CFAP299: variants seen among roughly 807,000 people sequenced by gnomAD.
CFAP299 encodes cilia- and flagella-associated protein 299.
A neutral mutation model predicts 27.0 loss-of-function variants in CFAP299; 21 were observed. The ratio of observed to expected loss-of-function variants is 0.78; its 90% CI spans 0.55 to 1.12. The LOEUF (loss-of-function observed/expected upper bound fraction) is 1.12. Ranked by LOEUF, CFAP299 falls within the 50% of genes most tolerant of loss-of-function variation. The pLI, the probability that CFAP299 is intolerant of heterozygous loss-of-function variation, is 0.00. For missense variants in CFAP299, 310 were observed against 276.6 expected, an observed-to-expected ratio of 1.12 and a Z score of -0.86; for synonymous variants, 104 against 98.1, an observed-to-expected ratio of 1.06 and a Z score of -0.36.
chr4:80,551,852 A>G (rs1456627228), intron 2 of CFAP299, among the ~76,000 whole-genome samples: 8 of 151,402 alleles, frequency 5.3e-5, no homozygotes, highest in Non-Finnish European at 8.8e-5. Context: ...GGTTCAAGTG[A>G]TTTTTCCTGC....
At chr4:80,704,203 T>C (rs1454270917) in intron 3 of CFAP299, among the ~76,000 whole-genome samples, 1 of 151,404 alleles carries the variant, frequency 6.6e-6, no homozygotes, top group African/African-American at 2.4e-5. Flanking sequence ...TGGAAAGATA[T>C]GATGGAAAGT....
At chr4:80,678,599 A>G (rs1402404655) in intron 3 of CFAP299, among the ~76,000 whole-genome samples, 1 of 152,092 alleles carries the variant, frequency 6.6e-6, no homozygotes, top group Non-Finnish European at 1.5e-5. Context: ...TGGCTGAGTC[A>G]GAATTAAAAT....
chr4:80,491,652 G>A (rs1731143527), intron 2 of CFAP299, among the ~76,000 whole-genome samples: 1 of 152,028 alleles, frequency 6.6e-6, no homozygotes, highest in South Asian at 2.1e-4. Context: ...TCCTATCTAA[G>A]GGGTCTGGGG....
intron 3 of CFAP299, among the ~76,000 whole-genome samples, chr4:80,636,814 T>A (rs756183465): frequency 3.9e-5 from 6 of 152,198 alleles, no homozygotes; most frequent in Non-Finnish European, 8.8e-5. Flanking sequence ...GTTGACTAAT[T>A]GTAACAGAAA....
chr4:80,846,603 T>C (rs1287910054), intron 3 of CFAP299, among the ~76,000 whole-genome samples: 2 of 152,244 alleles, frequency 1.3e-5, no homozygotes, highest in Non-Finnish European at 2.9e-5. Context: ...TAATATTCAG[T>C]GAATTATACA....
At chr4:80,735,584 G>A (rs1304532629) in intron 3 of CFAP299, among the ~76,000 whole-genome samples, 2 of 151,986 alleles carry the variant, frequency 1.3e-5, no homozygotes, top group Non-Finnish European at 2.9e-5. Flanking sequence ...ATCATATATG[G>A]CTTTTATTAT....
intron 3 of CFAP299, among the ~76,000 whole-genome samples, chr4:80,675,696 A>G (rs567951836): frequency 6.6e-6 from 1 of 152,270 alleles, no homozygotes; most frequent in African/African-American, 2.4e-5. Flanking sequence ...GGCTGCACCC[A>G]GTTTGAGCTT....
At chr4:80,776,062 C>T (rs72866747) in intron 3 of CFAP299, among the ~76,000 whole-genome samples, 1,623 of 152,182 alleles carry the variant, frequency 0.011, 29 homozygotes, top group African/African-American at 0.036. Flanking sequence ...TCAAAGCACT[C>T]TTGCCAACTC....
chr4:80,666,711 A>G (rs1028720567), intron 3 of CFAP299, among the ~76,000 whole-genome samples: 3 of 152,172 alleles, frequency 2.0e-5, no homozygotes, highest in Admixed American at 1.3e-4. Flanking sequence ...ATAAAACTAT[A>G]TATTTCCAGA....
At chr4:80,951,983 A>G (rs960978866) in intron 5 of CFAP299, among the ~76,000 whole-genome samples, 1 of 152,126 alleles carries the variant, frequency 6.6e-6, no homozygotes, top group Non-Finnish European at 1.5e-5. Flanking sequence ...TATTTGGATC[A>G]TTATGGGGGC....
intron 3 of CFAP299, among the ~76,000 whole-genome samples, chr4:80,783,311 G>A (rs1465599884): frequency 2.6e-5 from 4 of 152,102 alleles, no homozygotes; most frequent in African/African-American, 7.2e-5. Context: ...ATTCAGTGTA[G>A]GAGGGAACTA....
chr4:80,596,420 A>G (rs1249169279), intron 3 of CFAP299, among the ~76,000 whole-genome samples: 2 of 152,162 alleles, frequency 1.3e-5, no homozygotes, highest in Non-Finnish European at 2.9e-5. Flanking sequence ...ATATAGAATA[A>G]TACTGCTGCC....
chr4:80,740,377 A>T (rs1040082008), intron 3 of CFAP299, among the ~76,000 whole-genome samples: 1 of 152,194 alleles, frequency 6.6e-6, no homozygotes, highest in Non-Finnish European at 1.5e-5. Context: ...ACTCGCAGAG[A>T]TACTGCTTTG....
chr4:80,922,989 T>C (rs1314899345), intron 4 of CFAP299, among the ~76,000 whole-genome samples: 2 of 151,942 alleles, frequency 1.3e-5, no homozygotes, highest in East Asian at 3.9e-4. Context: ...CAAAATTGTG[T>C]TCACTGTAGG....
At chr4:80,684,509 C>G (rs1720057327) in intron 3 of CFAP299, among the ~76,000 whole-genome samples, 1 of 152,184 alleles carries the variant, frequency 6.6e-6, no homozygotes, top group Non-Finnish European at 1.5e-5. Flanking sequence ...TCGTGATCCA[C>G]CCGCCTCGGC....
At chr4:80,962,643 A>T (rs959233206) in intron 5 of CFAP299, among the ~76,000 whole-genome samples, 1 of 152,030 alleles carries the variant, frequency 6.6e-6, no homozygotes, top group African/African-American at 2.4e-5. Flanking sequence ...CAGGACACCC[A>T]CTTTTTTGTT....
chr4:80,625,016 A>T (rs1738809943), intron 3 of CFAP299, among the ~76,000 whole-genome samples: 1 of 152,186 alleles, frequency 6.6e-6, no homozygotes. Flanking sequence ...AAAGAAAAAA[A>T]CACTAATAAG....
chr4:80,664,127 C>G (rs1416675597), intron 3 of CFAP299, among the ~76,000 whole-genome samples: 3 of 152,046 alleles, frequency 2.0e-5, no homozygotes, highest in Non-Finnish European at 2.9e-5. Flanking sequence ...TGCAGAAGCT[C>G]TTTAGTTTAG....
At chr4:80,836,978 A>C (rs902937294) in intron 3 of CFAP299, among the ~76,000 whole-genome samples, 1 of 152,008 alleles carries the variant, frequency 6.6e-6, no homozygotes, top group Admixed American at 6.6e-5. Flanking sequence ...TAGGCTTTTG[A>C]CTAGTAGTTT....
Sources: allele counts gnomAD v4.1 joint callset (sites outside exome capture counted in the v4.1 genomes callset), GRCh38; gene constraint gnomAD v4.1.1; transcripts MANE v1.5; gene names NCBI Gene and HGNC (gene_info 2026-07-23, HGNC 2026-07-21).